CTNNA3: variants seen among roughly 807,000 people sequenced by gnomAD.
CTNNA3 encodes the protein catenin alpha 3, also known as catenin alpha-3.
Under a neutral mutation model 95.7 loss-of-function variants are expected in CTNNA3, and 76 were observed. That is an observed-to-expected ratio of 0.79 (90% CI 0.66 to 0.96). CTNNA3 has a LOEUF of 0.96. CTNNA3 is among the 40% of genes least tolerant of loss of function. The probability of loss-of-function intolerance (pLI) is 0.00; values close to 1 mark genes in which losing one functional copy is unlikely to be tolerated. For synonymous variants in CTNNA3, 431 were observed against 374.4 expected (o/e 1.15, Z -1.74); for missense variants, 1,191 against 1,089.8 (o/e 1.09, Z -1.31).
rs181185486 is a variant in CTNNA3, at chr10:67,168,397, A to C, written c.1047+11920T>G. Among the ~76,000 whole-genome samples, 3 of 152,308 alleles carry C rather than the reference A, an allele frequency of 2.0e-5. No individual in the cohort carries two copies. In the East Asian group the frequency reaches 5.8e-4, roughly 29 times the overall value. The stretch of plus-strand genomic sequence containing the variant: ...CAAAAGCCCTCAACAAAATACTGGC[A>C]AACCGAATCCAGCAGCACATCAAAA... On this transcript the variant is annotated intron_variant, in intron 7 of 17. Coordinates refer to ENST00000433211, the MANE Select transcript of CTNNA3 (RefSeq NM_013266.4).
At chr10:66,523,405 C>T (rs900133546) in intron 10 of CTNNA3, among the ~76,000 whole-genome samples, 16 of 152,174 alleles carry the variant, frequency 1.1e-4, no homozygotes, top group African/African-American at 3.9e-4. Flanking sequence ...CTTTATCCTA[C>T]TTGACTCTTG....
intron 9 of CTNNA3, among the ~76,000 whole-genome samples, chr10:66,744,450 A>C (rs1199006270): frequency 6.6e-6 from 1 of 152,152 alleles, no homozygotes; most frequent in Non-Finnish European, 1.5e-5. Flanking sequence ...CATTTTGTCA[A>C]GATCACTCAA....
chr10:66,801,704 C>T (rs1396001096), intron 7 of CTNNA3, among the ~76,000 whole-genome samples: 1 of 151,434 alleles, frequency 6.6e-6, no homozygotes, highest in Non-Finnish European at 1.5e-5. Flanking sequence ...GGATTCATTA[C>T]AATCACAATT....
At chr10:67,647,910 T>G (rs933367487) in intron 1 of CTNNA3, among the ~76,000 whole-genome samples, 3 of 151,122 alleles carry the variant, frequency 2.0e-5, no homozygotes, top group Admixed American at 6.6e-5. Context: ...ATATTTTGCT[T>G]CTTCTTGTTA....
At chr10:67,530,730 A>C (rs1429576157) in intron 4 of CTNNA3, among the ~76,000 whole-genome samples, 1 of 152,244 alleles carries the variant, frequency 6.6e-6, no homozygotes, top group Admixed American at 6.5e-5. Context: ...CCAAATATTA[A>C]TCCCCAAGAC....
At chr10:67,217,908 A>G (rs991403175) in intron 6 of CTNNA3, among the ~76,000 whole-genome samples, 3 of 151,334 alleles carry the variant, frequency 2.0e-5, no homozygotes, top group African/African-American at 7.3e-5. Context: ...GGAAAAATTC[A>G]GCATCTAACT....
intron 13 of CTNNA3, among the ~76,000 whole-genome samples, chr10:66,205,274 C>G (rs966891469): frequency 2.0e-5 from 3 of 151,728 alleles, no homozygotes; most frequent in African/African-American, 7.3e-5. Context: ...ATGATGACAC[C>G]CATTTTTTTA....
Position 66,594,092 on chromosome 10 carries a change from G to A in CTNNA3, c.1374+27600C>T, listed in dbSNP as rs138425092. Among the ~76,000 whole-genome samples the A allele has an allele frequency of 3.3e-3, 505 of 152,126 alleles. 7 individuals are homozygous for A. The highest frequency in any genetic ancestry group is 5.0e-3 in the Non-Finnish European group (337 of 68,004). On this transcript the variant is annotated intron_variant, in intron 10 of 17. Transcript: ENST00000433211. ...AAACAATACTGACCAAACGGAATTT[G>A]TTTCTCCCCTGCACCTCATGACATC...
chr10:67,075,756 C>T (rs1310049303), intron 7 of CTNNA3, among the ~76,000 whole-genome samples: 2 of 152,138 alleles, frequency 1.3e-5, no homozygotes, highest in Non-Finnish European at 2.9e-5. Flanking sequence ...AGTTAGGAGG[C>T]CTTGGCAAAT....
At chr10:67,598,948 G>A (rs1371519773) in intron 3 of CTNNA3, among the ~76,000 whole-genome samples, 1 of 151,816 alleles carries the variant, frequency 6.6e-6, no homozygotes, top group Non-Finnish European at 1.5e-5. Context: ...ATACTCATAA[G>A]GAAAAAAAAT....
At chr10:67,217,765 C>T (rs1864450062) in intron 6 of CTNNA3, among the ~76,000 whole-genome samples, 1 of 152,160 alleles carries the variant, frequency 6.6e-6, no homozygotes, top group Admixed American at 6.6e-5. Context: ...CTTATGGGAG[C>T]ATTCTCTGAC....
rs550784688 is a variant in CTNNA3 at position 67,234,703 on chromosome 10, A to G, written c.580-14833T>C. Among the ~76,000 whole-genome samples the G allele has an allele frequency of 9.5e-3, 1,435 of 151,820 alleles. 12 individuals are homozygous for G. Among genetic ancestry groups the G allele is most frequent in the African/African-American group, 0.022 (910 of 41,332 alleles). The stretch of plus-strand genomic sequence containing the variant: ...GAAGGAAATAAAGGGTATTCAATTA[A>G]GAAAAGAGGAAGTCAAATTGTCCCT... On this transcript the variant is annotated intron_variant, in intron 5 of 17. Coordinates refer to ENST00000433211, the MANE Select transcript of CTNNA3 (RefSeq NM_013266.4).
chr10:67,492,862 T>C (rs1357904223), intron 5 of CTNNA3, among the ~76,000 whole-genome samples: 1 of 152,214 alleles, frequency 6.6e-6, no homozygotes, highest in African/African-American at 2.4e-5. Context: ...CTGAGTCTGC[T>C]GGCAGGGCTG....
intron 5 of CTNNA3, among the ~76,000 whole-genome samples, chr10:67,484,099 C>T (rs528435663): frequency 1.0e-3 from 152 of 152,202 alleles, no homozygotes; most frequent in African/African-American, 3.4e-3. Context: ...CTACAGTAAC[C>T]AAAAGGGCAT....
chr10:66,646,528 T>C (rs1024136441), intron 9 of CTNNA3, among the ~76,000 whole-genome samples: 35 of 152,078 alleles, frequency 2.3e-4, no homozygotes, highest in Admixed American at 1.4e-3. Flanking sequence ...TACAGACATC[T>C]TTTGTTGGTA....
intron 1 of CTNNA3, among the ~76,000 whole-genome samples, chr10:67,735,994 A>G (rs979959162): frequency 6.6e-6 from 1 of 152,236 alleles, no homozygotes; most frequent in Non-Finnish European, 1.5e-5. Flanking sequence ...TTGCACACCA[A>G]TGTTCATAGT....
At chr10:66,889,417 T>C (rs1186381457) in intron 7 of CTNNA3, among the ~76,000 whole-genome samples, 1 of 152,192 alleles carries the variant, frequency 6.6e-6, no homozygotes, top group African/African-American at 2.4e-5. Context: ...TTGTAACAAG[T>C]GTACCACTCT....
chr10:66,508,180 GTTT>G (rs761851664), intron 11 of CTNNA3, among the ~76,000 whole-genome samples: 7 of 114,680 alleles, frequency 6.1e-5, no homozygotes, highest in African/African-American at 2.5e-4. Context: ...AGCAGCTCTT[GTTT>G]TTTTTTTTTG....
intron 10 of CTNNA3, among the ~76,000 whole-genome samples, chr10:66,544,722 C>G (rs2132087913): frequency 6.6e-6 from 1 of 152,232 alleles, no homozygotes; most frequent in African/African-American, 2.4e-5. Flanking sequence ...TTGCTTTTAT[C>G]TTAAGCCCAC....
Sources: gnomAD v4.1 joint callset for allele counts (sites outside exome capture counted in the v4.1 genomes callset) on GRCh38, gnomAD v4.1.1 for gene constraint, MANE v1.5 for transcripts, NCBI Gene and HGNC (gene_info 2026-07-23, HGNC 2026-07-21) for gene names.